The following TENM3 variants were observed in gnomAD, a reference collection of about 807,000 sequenced individuals.
TENM3 encodes the protein teneurin transmembrane protein 3.
In TENM3, 63 loss-of-function variants were observed where a neutral mutation model predicts 255.1. The observed-to-expected ratio is 0.25, with a 90% CI of 0.20 to 0.30. The LOEUF (loss-of-function observed/expected upper bound fraction) is 0.30. Among genes scored for constraint, TENM3 ranks in the 10% least tolerant of loss-of-function variants. The pLI, the probability that TENM3 is intolerant of heterozygous loss-of-function variation, is 1.00. For missense variants in TENM3, 2,929 were observed against 3,461.1 expected (o/e 0.85, Z 3.86); for synonymous variants, 1,306 against 1,322.3 (o/e 0.99, Z 0.27).
intron 2 of TENM3, among the ~76,000 whole-genome samples, chr4:182,339,759 C>A (rs906407155): frequency 6.6e-6 from 1 of 152,108 alleles, no homozygotes; most frequent in Non-Finnish European, 1.5e-5. Flanking sequence ...AAACCATAGG[C>A]GTATTTATAC....
the TENM3 span, among the ~76,000 whole-genome samples, chr4:182,108,675 G>T: frequency 6.6e-6 from 1 of 152,116 alleles, no homozygotes; most frequent in Non-Finnish European, 1.5e-5. Flanking sequence ...GTCCGAAGAG[G>T]ATAATTCCAA....
At chr4:181,493,449 G>T in the TENM3 span, among the ~76,000 whole-genome samples, 1 of 152,010 alleles carries the variant, frequency 6.6e-6, no homozygotes, top group Non-Finnish European at 1.5e-5. Flanking sequence ...ATAGAGGTAC[G>T]ACCAGGCGTG....
the TENM3 span, among the ~76,000 whole-genome samples, chr4:181,669,115 G>A: frequency 6.6e-6 from 1 of 152,064 alleles, no homozygotes; most frequent in Non-Finnish European, 1.5e-5. Flanking sequence ...AAAATTACCA[G>A]CAATAATTGA....
rs1277720642 is a variant in TENM3 at position 182,738,549 on chromosome 4, G to A, written c.3379+5G>A. 2 of 1,606,826 alleles carry A rather than the reference G, an allele frequency of 1.2e-6. No individual in the cohort carries two copies. Among genetic ancestry groups the A allele is most frequent in the Admixed American group, 1.7e-5 (1 of 58,898 alleles). On this transcript the variant is annotated splice_donor_5th_base_variant and intron_variant, in intron 18 of 27. Transcript: ENST00000511685. ...ACGTGCTGGATGTACAGAACGGTAA[G>A]CTCTTGTTCATAGATAACTGATGTT...
chr4:181,635,701 A>C, the TENM3 span, among the ~76,000 whole-genome samples: 1 of 152,208 alleles, frequency 6.6e-6, no homozygotes, highest in Non-Finnish European at 1.5e-5. Context: ...CTTTCAACCT[A>C]GGGTGATGCT....
chr4:181,888,494 G>GTATATATATTTATATA, the TENM3 span, among the ~76,000 whole-genome samples: 1 of 28,226 alleles, frequency 3.5e-5, no homozygotes, highest in East Asian at 1.1e-3. Context: ...ATAGAAATGT[G>GTATATATATTTATATA]TATATATATA....
chr4:181,852,299 A>G, the TENM3 span, among the ~76,000 whole-genome samples: 8 of 152,292 alleles, frequency 5.3e-5, 1 homozygote, highest in South Asian at 1.7e-3. Flanking sequence ...AGAAACCTTA[A>G]CGTCTTTTCC....
At chr4:181,996,367 G>T in the TENM3 span, among the ~76,000 whole-genome samples, 3 of 152,098 alleles carry the variant, frequency 2.0e-5, no homozygotes, top group African/African-American at 7.2e-5. Context: ...AGCAGGAATG[G>T]ATGATGGACA....
chr4:181,448,488 A>C, the TENM3 span, among the ~76,000 whole-genome samples: 1 of 152,106 alleles, frequency 6.6e-6, no homozygotes, highest in Non-Finnish European at 1.5e-5. Flanking sequence ...AGTAATTATT[A>C]ATGGGAATTT....
chr4:182,618,711 G>T (rs77926435), intron 4 of TENM3, among the ~76,000 whole-genome samples: 1 of 151,996 alleles, frequency 6.6e-6, no homozygotes, highest in African/African-American at 2.4e-5. Flanking sequence ...AAATAGAGGT[G>T]ATTCGGTATA....
chr4:182,652,045 T>C (rs1188967641), intron 5 of TENM3, among the ~76,000 whole-genome samples: 1 of 152,354 alleles, frequency 6.6e-6, no homozygotes, highest in African/African-American at 2.4e-5. Context: ...TTGTTTTCTA[T>C]GTATTAACTT....
intron 3 of TENM3, among the ~76,000 whole-genome samples, chr4:182,551,402 A>G (rs552685848): frequency 7.1e-4 from 108 of 152,252 alleles, no homozygotes; most frequent in Non-Finnish European, 1.3e-3. Flanking sequence ...GAAATATAAC[A>G]GCAGCGGTGG....
intron 24 of TENM3, among the ~76,000 whole-genome samples, chr4:182,782,947 GTCTCTGCACGTGAGA>G (rs775451688): frequency 0.011 from 1,657 of 151,700 alleles, 14 homozygotes; most frequent in Admixed American, 0.017. Context: ...GCCTATGTGT[GTCTCTGCACGTGAGA>G]TGGATTTCCT....
the TENM3 span, among the ~76,000 whole-genome samples, chr4:181,636,803 A>G: frequency 6.6e-6 from 1 of 152,178 alleles, no homozygotes; most frequent in Non-Finnish European, 1.5e-5. Flanking sequence ...TAAACGGATC[A>G]TGTCACTGCT....
chr4:181,863,560 T>C, the TENM3 span, among the ~76,000 whole-genome samples: 2 of 152,132 alleles, frequency 1.3e-5, no homozygotes, highest in African/African-American at 4.8e-5. Flanking sequence ...AAATTTGGGC[T>C]CTCTGCAATA....
intron 3 of TENM3, among the ~76,000 whole-genome samples, chr4:182,379,328 G>A (rs1259411736): frequency 6.6e-6 from 1 of 152,048 alleles, no homozygotes; most frequent in Non-Finnish European, 1.5e-5. Flanking sequence ...CTGCACTCCA[G>A]CCTGGGCAAT....
chr4:182,537,437 C>T (rs1740448312), intron 3 of TENM3, among the ~76,000 whole-genome samples: 1 of 152,106 alleles, frequency 6.6e-6, no homozygotes, highest in Non-Finnish European at 1.5e-5. Flanking sequence ...TTGTTTGCAC[C>T]AGCTACTTTA....
the TENM3 span, among the ~76,000 whole-genome samples, chr4:181,903,676 A>C: frequency 5.9e-4 from 90 of 152,230 alleles, no homozygotes; most frequent in African/African-American, 2.1e-3. Flanking sequence ...CATACCTAAA[A>C]CACCTTTGGT....
the TENM3 span, among the ~76,000 whole-genome samples, chr4:181,586,670 T>C: frequency 0.029 from 4,359 of 152,098 alleles, 95 homozygotes; most frequent in Non-Finnish European, 0.043. Context: ...TGAAACCCTG[T>C]CTCTAGCAAA....
Sources: gnomAD v4.1 joint callset for allele counts (sites outside exome capture counted in the v4.1 genomes callset) on GRCh38, gnomAD v4.1.1 for gene constraint, MANE v1.5 for transcripts, NCBI Gene and HGNC (gene_info 2026-07-23, HGNC 2026-07-21) for gene names.